The following CCDC177 variants were observed in gnomAD, a reference collection of about 807,000 sequenced individuals.
The protein encoded by CCDC177 is coiled-coil domain containing 177.
In CCDC177, 2 loss-of-function variants were observed where a neutral mutation model predicts 7.3. The ratio of observed to expected loss-of-function variants is 0.28; its 90% CI spans 0.11 to 0.87. The LOEUF is 0.87. CCDC177 is among the 40% of genes least tolerant of loss of function. CCDC177 has a pLI of 0.61. For missense variants in CCDC177, 874 were observed against 970.5 expected (o/e 0.90, Z 1.32); for synonymous variants, 401 against 449.2 (o/e 0.89, Z 1.36).
In CCDC177 at chr14:69,571,829, G is replaced by T; in HGVS notation, c.1794C>A (p.His598Gln). ...CTGCTTCCTCGGCCACCTGCGTCGCGTGCTGCAGCCGTCGCTCCCCCGCCC... is the reference window on the plus strand; with the variant it reads ...CTGCTTCCTCGGCCACCTGCGTCGCTTGCTGCAGCCGTCGCTCCCCCGCCC... Reference protein sequence around the residue: ...LARAGERRLQHATQVAEEAVQ... With the variant: ...LARAGERRLQQATQVAEEAVQ... The change falls in exon 2 of 2, where the codon CAC becomes CAA. Residue 598 changes from histidine (H) to glutamine (Q), a missense_variant. His to Gln is a conservative substitution (Grantham distance 24, BLOSUM62 0). Transcript: ENST00000599174. 1 of 1,231,602 alleles carries T rather than the reference G, an allele frequency of 8.1e-7. No individual in the cohort carries two copies. Among genetic ancestry groups the T allele is most frequent in the South Asian group, 4.1e-5 (1 of 24,326 alleles). The allele number at this position is 1,231,602 out of a possible 1,614,324, so 76.3% of individuals were successfully genotyped here. A position where few individuals can be genotyped will look rare whatever the true frequency, so the allele number is the denominator to read the frequency against.
In CCDC177 at chr14:69,571,622, G is replaced by A. The variant is rs1884325954; in HGVS notation, c.2001C>T (p.Ser667=). ...AGGAAGCCCGGGCTGTGGAGCGGGC[G>A]CTCTCCAGCGCACTGCGCCGTTCCC... is the stretch of plus-strand genomic sequence containing the variant. ...LTRERRSALE[S]ARSTARASFH... is the part of the protein sequence containing the mutation. The change falls in exon 2 of 2, where the codon AGC becomes AGT. Residue 667 remains serine, a synonymous_variant. Transcript: ENST00000599174. 4.1e-6 allele frequency: 5 copies of A among 1,233,922 alleles called. No individual in the cohort carries two copies. Among genetic ancestry groups the A allele is most frequent in the South Asian group, 8.2e-5 (2 of 24,496 alleles). The allele number at this position is 1,233,922 out of a possible 1,614,324, so 76.4% of individuals were successfully genotyped here.
chr14:69,572,086 C>T lies in CCDC177; in HGVS notation c.1537G>A (p.Glu513Lys), dbSNP rs1312354903. Reference sequence around the variant, plus strand: ...CGGGTCCGACCCTGTAGCAGCGCCTCGTGGCGCGCCCGCTCGGCCCGGCTC... The same window carrying T: ...CGGGTCCGACCCTGTAGCAGCGCCTTGTGGCGCGCCCGCTCGGCCCGGCTC... Reference protein sequence around the residue: ...ELSRAERARHEALLQGRTRQQ... With the variant: ...ELSRAERARHKALLQGRTRQQ... Residue 513 changes from glutamate (E) to lysine (K), a missense_variant, in exon 2 of 2, where the codon GAG becomes AAG. Glu to Lys is a moderately conservative substitution (Grantham distance 56). Transcript: ENST00000599174. 2 of 1,230,540 alleles carry T rather than the reference C, an allele frequency of 1.6e-6. No homozygotes were observed. The highest frequency in any genetic ancestry group is 1.6e-5 in the African/African-American group (1 of 64,348). The allele number at this position is 1,230,540 out of a possible 1,614,324, so 76.2% of individuals were successfully genotyped here. A position where few individuals can be genotyped will look rare whatever the true frequency, so the allele number is the denominator to read the frequency against.
chr14:69,571,725 T>C lies in CCDC177; in HGVS notation c.1898A>G (p.Glu633Gly), dbSNP rs1211834758. ...RAQRANKEKV[E>G]RDEDCRRREL... Reference sequence around the variant, plus strand: ...TCGCCGGCGGCAGTCTTCGTCCCTCTCCACCTTCTCCTTGTTGGCGCGCTG... The same window carrying C: ...TCGCCGGCGGCAGTCTTCGTCCCTCCCCACCTTCTCCTTGTTGGCGCGCTG... Residue 633 changes from glutamate to glycine, a missense_variant, in exon 2 of 2, where the codon GAG becomes GGG. Transcript: ENST00000599174. The C allele has an allele frequency of 2.4e-6, 3 of 1,231,626 alleles. No individual in the cohort carries two copies. The highest frequency in any genetic ancestry group is 3.1e-5 in the African/African-American group (2 of 64,502). 76.3% of individuals were successfully genotyped at this position (1,231,626 alleles called of 1,614,324 possible). A position where few individuals can be genotyped will look rare whatever the true frequency, so the allele number is the denominator to read the frequency against.
Position 69,570,293 on chromosome 14 carries a change from C to G in CCDC177, c.*1206G>C, listed in dbSNP as rs1441597303. On this transcript the variant is annotated 3_prime_UTR_variant, in exon 2 of 2. Transcript: ENST00000599174. ...AGGAGAGGAATACTGATGGTTCCAT[C>G]TGGCGAATGGGAAAGGTGAGGCATT... 1.3e-5 allele frequency: 2 copies of G among 158,778 alleles called. No individual in the cohort carries two copies. Among genetic ancestry groups the G allele is most frequent in the Admixed American group, 1.2e-4 (2 of 16,920 alleles). The allele number at this position is 158,778 out of a possible 1,614,324, so 9.8% of individuals were successfully genotyped here.
At position 69,572,001 on chromosome 14, in the gene CCDC177, G is replaced by C; in HGVS notation, c.1622C>G (p.Ala541Gly). ...CACCAAATGCTCGTAGTTCTCCTGC[G>C]CACGGCCCAAACTGGCTTCCAGCGA... ...RSSLEASLGRAQENYEHLVEQ... is the reference protein window; with the variant it reads ...RSSLEASLGRGQENYEHLVEQ... The change falls in exon 2 of 2, where the codon GCG becomes GGG. Residue 541 changes from alanine (A) to glycine (G), a missense_variant. Ala to Gly is a moderately conservative substitution (Grantham distance 60). Transcript: ENST00000599174. The C allele has an allele frequency of 8.1e-7, 1 of 1,231,080 alleles. No homozygotes were observed. 76.3% of individuals were successfully genotyped at this position (1,231,080 alleles called of 1,614,324 possible). A position where few individuals can be genotyped will look rare whatever the true frequency, so the allele number is the denominator to read the frequency against.
chr14:69,573,506 A>G lies in CCDC177; in HGVS notation c.117T>C (p.Ala39=), dbSNP rs6573892. The change falls in exon 2 of 2, where the codon GCT becomes GCC. Residue 39 remains alanine, a synonymous_variant. Transcript: ENST00000599174. The part of the protein sequence containing the change: ...PDSQGAQEPA[A]SSASASASAA... ...CGGAGGCCGAGGCCGAGGCCGAGGA[A>G]GCTGCGGGCTCCTGTGCGCCCTGGG... 0.84 allele frequency: 1,036,747 copies of G among 1,231,440 alleles called. 436,805 individuals are homozygous for G. The highest frequency in any genetic ancestry group is 0.9 in the South Asian group (21,919 of 24,320). 76.3% of individuals were successfully genotyped at this position (1,231,440 alleles called of 1,614,324 possible). A position where few individuals can be genotyped will look rare whatever the true frequency, so the allele number is the denominator to read the frequency against.
rs1884400091 is a variant in CCDC177, at chr14:69,574,667, C to G, written c.-154G>C. The G allele has an allele frequency of 6.6e-6, 1 of 152,170 alleles. No individual in the cohort carries two copies. Among genetic ancestry groups the G allele is most frequent in the South Asian group, 2.1e-4 (1 of 4,834 alleles). 9.4% of individuals were successfully genotyped at this position (152,170 alleles called of 1,614,324 possible). On this transcript the variant is annotated 5_prime_UTR_variant, in exon 1 of 2. Coordinates refer to ENST00000599174, the MANE Select transcript of CCDC177 (RefSeq NM_001271507.2). ...TGCCGGCTGCAACCGTGAAAGGAGC[C>G]CCATCTGCCGCCGCCAGCGTCTCTC...
At position 69,571,546 on chromosome 14, in the gene CCDC177, G is replaced by A. The variant is rs1214497885; in HGVS notation, c.2077C>T (p.Arg693Cys). Residue 693 changes from arginine (R) to cysteine (C), a missense_variant, in exon 2 of 2, where the codon CGC becomes TGC. Arg to Cys is a radical substitution (Grantham distance 180, BLOSUM62 -3). Transcript: ENST00000599174. ...TGTAGCTGGGCCTCCCGCACCATGC[G>A]GTCGAAGGATCGCGTGTTGGTCTCC... ...REETNTRSFD[R>C]MVREAQLHAS... is the part of the protein sequence containing the mutation. The A allele has an allele frequency of 8.1e-6, 10 of 1,238,452 alleles. No homozygotes were observed. Among genetic ancestry groups the A allele is most frequent in the South Asian group, 4.0e-5 (1 of 25,062 alleles). The allele number at this position is 1,238,452 out of a possible 1,614,324, so 76.7% of individuals were successfully genotyped here. A position where few individuals can be genotyped will look rare whatever the true frequency, so the allele number is the denominator to read the frequency against.
Position 69,571,846 on chromosome 14 carries a change from C to G in CCDC177, c.1777G>C (p.Glu593Gln). Residue 593 changes from glutamate (E) to glutamine (Q), a missense_variant, in exon 2 of 2, where the codon GAG becomes CAG. By Grantham distance (29) the Glu-to-Gln change is conservative (BLOSUM62 2). Transcript: ENST00000599174. Reference protein sequence around the residue: ...AHLEALARAGERRLQHATQVA... With the variant: ...AHLEALARAGQRRLQHATQVA... The stretch of plus-strand genomic sequence containing the variant: ...TGCGTCGCGTGCTGCAGCCGTCGCT[C>G]CCCCGCCCGGGCCAGCGCCTCCAGG... 8.1e-7 allele frequency: 1 copy of G among 1,231,694 alleles called. No individual in the cohort carries two copies. The highest frequency in any genetic ancestry group is 1.0e-6 in the Non-Finnish European group (1 of 987,984). 76.3% of individuals were successfully genotyped at this position (1,231,694 alleles called of 1,614,324 possible).
Position 69,571,621 on chromosome 14 carries a change from C to A in CCDC177, c.2002G>T (p.Ala668Ser), listed in dbSNP as rs958012102. 1 of 1,233,876 alleles carries A rather than the reference C, an allele frequency of 8.1e-7. No homozygotes were observed. The highest frequency in any genetic ancestry group is 1.6e-5 in the African/African-American group (1 of 64,442). 76.4% of individuals were successfully genotyped at this position (1,233,876 alleles called of 1,614,324 possible). The change falls in exon 2 of 2, where the codon GCC (alanine) becomes TCC (serine). Residue 668 changes from alanine to serine, a missense_variant. Ala to Ser is a moderately conservative substitution (Grantham distance 99). Transcript: ENST00000599174. ...AAGGAAGCCCGGGCTGTGGAGCGGG[C>A]GCTCTCCAGCGCACTGCGCCGTTCC... is the stretch of plus-strand genomic sequence containing the variant. The part of the protein sequence containing the change: ...TRERRSALES[A>S]RSTARASFHV...
Position 69,573,440 on chromosome 14 carries a change from T to C in CCDC177, c.183A>G (p.Ala61=). Residue 61 remains alanine (A), a synonymous_variant, in exon 2 of 2, where the codon GCA becomes GCG. Coordinates refer to ENST00000599174, the MANE Select transcript of CCDC177 (RefSeq NM_001271507.2). Reference sequence around the variant, plus strand: ...GGGACTGCTCCCGCCGCCCGCCTTCTGCGGCTGCACATGGGACTTCTGCCT... The same window carrying C: ...GGGACTGCTCCCGCCGCCCGCCTTCCGCGGCTGCACATGGGACTTCTGCCT... ...PRKAEVPCAA[A]EGGRREQSPL... is the part of the protein sequence containing the mutation. The C allele has an allele frequency of 8.1e-7, 1 of 1,230,692 alleles. No individual in the cohort carries two copies. The highest frequency in any genetic ancestry group is 1.0e-6 in the Non-Finnish European group (1 of 987,606). 76.2% of individuals were successfully genotyped at this position (1,230,692 alleles called of 1,614,324 possible). A position where few individuals can be genotyped will look rare whatever the true frequency, so the allele number is the denominator to read the frequency against.
chr14:69,574,198 TG>T (rs1226260807), intron 1 of CCDC177, among the ~76,000 whole-genome samples: 1 of 152,172 alleles, frequency 6.6e-6, no homozygotes, highest in Non-Finnish European at 1.5e-5. Context: ...ATTAAAGGGC[TG>T]GGAGAAGTCC....
chr14:69,573,281 G>A lies in CCDC177; in HGVS notation c.342C>T (p.Ala114=), dbSNP rs1884374180. The change falls in exon 2 of 2, where the codon GCC becomes GCT. Residue 114 remains alanine, a synonymous_variant. Transcript: ENST00000599174. ...AVKPVELLPR[A]LADLVREAPG... ...GAGCCTCTCGCACCAGGTCGGCCAG[G>A]GCCCGTGGCAGCAGCTCCACCGGCT... 1.1e-5 allele frequency: 13 copies of A among 1,231,502 alleles called. No homozygotes were observed. Among genetic ancestry groups the A allele is most frequent in the Non-Finnish European group, 1.1e-5 (11 of 987,808 alleles). The allele number at this position is 1,231,502 out of a possible 1,614,324, so 76.3% of individuals were successfully genotyped here. A position where few individuals can be genotyped will look rare whatever the true frequency, so the allele number is the denominator to read the frequency against.
At chr14:69,574,002 C>T (rs1884388056) in intron 1 of CCDC177, among the ~76,000 whole-genome samples, 1 of 152,164 alleles carries the variant, frequency 6.6e-6, no homozygotes, top group Non-Finnish European at 1.5e-5. Flanking sequence ...GAGAGGGAGG[C>T]GCTGGAGGAT....
At position 69,571,367 on chromosome 14, in the gene CCDC177, T is replaced by C. The variant is rs1884319871; in HGVS notation, c.*132A>G. 1 of 562,380 alleles carries C rather than the reference T, an allele frequency of 1.8e-6. No individual in the cohort carries two copies. The highest frequency in any genetic ancestry group is 2.9e-6 in the Non-Finnish European group (1 of 348,814). The allele number at this position is 562,380 out of a possible 1,614,324, so 34.8% of individuals were successfully genotyped here. A position where few individuals can be genotyped will look rare whatever the true frequency, so the allele number is the denominator to read the frequency against. ...TGACAGGTCCCAAACGTCTGTACTGTTGTTGCCTCATTGGTCAGAAGCCTC... is the reference window on the plus strand; with the variant it reads ...TGACAGGTCCCAAACGTCTGTACTGCTGTTGCCTCATTGGTCAGAAGCCTC... On this transcript the variant is annotated 3_prime_UTR_variant, in exon 2 of 2. Coordinates refer to ENST00000599174, the MANE Select transcript of CCDC177 (RefSeq NM_001271507.2).
Position 69,573,208 on chromosome 14 carries a change from C to T in CCDC177, c.415G>A (p.Ala139Thr), listed in dbSNP as rs1173022154. Residue 139 changes from alanine to threonine, a missense_variant, in exon 2 of 2, where the codon GCG (alanine) becomes ACG (threonine). Coordinates refer to ENST00000599174, the MANE Select transcript of CCDC177 (RefSeq NM_001271507.2). ...TGCTGCAGCTTGGCGCGCCGCTCCGCCTCGTAGGCCTCATACAGGCCGGTG... is the reference window on the plus strand; with the variant it reads ...TGCTGCAGCTTGGCGCGCCGCTCCGTCTCGTAGGCCTCATACAGGCCGGTG... ...VATGLYEAYEAERRAKLQQCR... is the reference protein window; with the variant it reads ...VATGLYEAYETERRAKLQQCR... 1.1e-5 allele frequency: 13 copies of T among 1,230,740 alleles called. No homozygotes were observed. Among genetic ancestry groups the T allele is most frequent in the African/African-American group, 1.6e-5 (1 of 64,322 alleles). The allele number at this position is 1,230,740 out of a possible 1,614,324, so 76.2% of individuals were successfully genotyped here.
Position 69,572,392 on chromosome 14 carries a change from G to A in CCDC177, c.1231C>T (p.Arg411Cys), listed in dbSNP as rs1884346291. The A allele has an allele frequency of 2.5e-6, 3 of 1,221,608 alleles. No individual in the cohort carries two copies. Among genetic ancestry groups the A allele is most frequent in the Non-Finnish European group, 2.0e-6 (2 of 981,708 alleles). 75.7% of individuals were successfully genotyped at this position (1,221,608 alleles called of 1,614,324 possible). Residue 411 changes from arginine to cysteine, a missense_variant, in exon 2 of 2, where the codon CGC becomes TGC. Transcript: ENST00000599174. ...ERRGRRGREE[R>C]EAARRRQRQY... ...CGCTGCCGCCGCCGCGCCGCCTCGC[G>A]CTCTTCGCGGCCACGGCGGCCTCGC...
rs1884401443 is a variant in CCDC177, at chr14:69,574,737, C to T, written c.-224G>A. On this transcript the variant is annotated 5_prime_UTR_variant, in exon 1 of 2. Transcript: ENST00000599174. The stretch of plus-strand genomic sequence containing the variant: ...GCGCACGCACCCCAGATGCTACCTA[C>T]ACGTGGGAGGGGGAGTGCGACAATG... 2 of 152,212 alleles carry T rather than the reference C, an allele frequency of 1.3e-5. No homozygotes were observed. The highest frequency in any genetic ancestry group is 6.5e-5 in the Admixed American group (1 of 15,282). The allele number at this position is 152,212 out of a possible 1,614,324, so 9.4% of individuals were successfully genotyped here. A position where few individuals can be genotyped will look rare whatever the true frequency, so the allele number is the denominator to read the frequency against.
At position 69,574,615 on chromosome 14, in the gene CCDC177, G is replaced by A; in HGVS notation, c.-102C>T. 1 of 152,080 alleles carries A rather than the reference G, an allele frequency of 6.6e-6. No homozygotes were observed. 9.4% of individuals were successfully genotyped at this position (152,080 alleles called of 1,614,324 possible). ...CGCCGCTGTCCCCTGCGCTTCTTCA[G>A]TCTCTGCGCCGGCGGGGTCGGGTTA... On this transcript the variant is annotated 5_prime_UTR_variant, in exon 1 of 2. Transcript: ENST00000599174.
Sources: allele counts gnomAD v4.1 joint callset (sites outside exome capture counted in the v4.1 genomes callset), GRCh38; gene constraint gnomAD v4.1.1; transcripts MANE v1.5; gene names NCBI Gene and HGNC (gene_info 2026-07-23, HGNC 2026-07-21).